The following KIAA1328 variants were observed in gnomAD, a reference collection of about 807,000 sequenced individuals.
KIAA1328 encodes the protein KIAA1328, also known as protein hinderin.
Under a neutral mutation model 68.1 loss-of-function variants are expected in KIAA1328, and 52 were observed. The observed-to-expected ratio is 0.76, with a 90% CI of 0.61 to 0.96. The LOEUF is 0.96. KIAA1328 is among the 40% of genes least tolerant of loss of function. The probability of loss-of-function intolerance (pLI) is 0.00; values close to 1 mark genes in which losing one functional copy is unlikely to be tolerated. For synonymous variants in KIAA1328, 232 were observed against 239.4 expected (o/e 0.97, Z 0.28); for missense variants, 641 against 677.6 (o/e 0.95, Z 0.60).
intron 6 of KIAA1328, among the ~76,000 whole-genome samples, chr18:37,052,397 G>C (rs2055734823): frequency 6.6e-6 from 1 of 152,024 alleles, no homozygotes; most frequent in Admixed American, 6.5e-5. Flanking sequence ...ACCAAATGGA[G>C]AAAAGTTAAA....
intron 7 of KIAA1328, among the ~76,000 whole-genome samples, chr18:37,080,797 AAAAG>A (rs1421433752): frequency 6.6e-6 from 1 of 151,676 alleles, no homozygotes; most frequent in Non-Finnish European, 1.5e-5. Flanking sequence ...AAAAAAGAAA[AAAAG>A]AACTAATCAT....
intron 5 of KIAA1328, among the ~76,000 whole-genome samples, chr18:36,910,518 A>G (rs1318673276): frequency 6.6e-6 from 1 of 152,136 alleles, no homozygotes; most frequent in African/African-American, 2.4e-5. Context: ...TGTTTGGGTT[A>G]CTGTGGCCTT....
At chr18:37,065,920 T>A (rs370289971) in intron 6 of KIAA1328, among the ~76,000 whole-genome samples, 2 of 152,290 alleles carry the variant, frequency 1.3e-5, no homozygotes, top group Admixed American at 6.5e-5. Context: ...CAACTCAACC[T>A]TCCCAGGCCA....
rs1340842820 is a variant in KIAA1328 at position 36,842,373 on chromosome 18, G to T, written c.238-1835G>T. On this transcript the variant is annotated intron_variant, in intron 3 of 9. Transcript: ENST00000280020. ...AAGGAACTCAGGGGTGACACTGTCA[G>T]TAACAGGAAGGAAGTAGCCTTCCTT... 2.0e-5 allele frequency among the ~76,000 whole-genome samples: 3 copies of T among 152,156 alleles called. No homozygotes were observed. In the East Asian group the frequency reaches 5.8e-4, roughly 29 times the overall value.
intron 9 of KIAA1328, among the ~76,000 whole-genome samples, chr18:37,195,319 T>C (rs2059983258): frequency 6.6e-6 from 1 of 152,234 alleles, no homozygotes. Context: ...TTTAGTGTTA[T>C]ATAATTACAT....
In KIAA1328 at chr18:36,973,705, T is replaced by C. The variant is rs555786738; in HGVS notation, c.576+14270T>C. Reference sequence around the variant, plus strand: ...AGTCTCAGAGTAGTTGAAAACCAAATCGACATTACAGACATATATTTACTA... The same window carrying C: ...AGTCTCAGAGTAGTTGAAAACCAAACCGACATTACAGACATATATTTACTA... On this transcript the variant is annotated intron_variant, in intron 6 of 9. Transcript: ENST00000280020. Among the ~76,000 whole-genome samples, 318 of 152,052 alleles carry C rather than the reference T, an allele frequency of 2.1e-3. 2 individuals carry two copies. Among genetic ancestry groups the C allele is most frequent in the Middle Eastern group, 0.017 (5 of 294 alleles).
intron 6 of KIAA1328, among the ~76,000 whole-genome samples, chr18:36,968,729 T>G (rs781248720): frequency 2.0e-5 from 3 of 152,172 alleles, no homozygotes; most frequent in Non-Finnish European, 4.4e-5. Context: ...GACAGATCCT[T>G]AAGTCAGAAA....
chr18:36,882,683 T>G (rs1009566785), intron 4 of KIAA1328, among the ~76,000 whole-genome samples: 1 of 152,174 alleles, frequency 6.6e-6, no homozygotes, highest in African/African-American at 2.4e-5. Flanking sequence ...AACAAATATT[T>G]CAAACATACC....
At chr18:37,088,728 T>A (rs1277944671) in intron 7 of KIAA1328, among the ~76,000 whole-genome samples, 2 of 152,066 alleles carry the variant, frequency 1.3e-5, no homozygotes, top group East Asian at 3.8e-4. Flanking sequence ...TCTTTGTATG[T>A]ATTACTATTT....
In KIAA1328 at chr18:36,985,616, A is replaced by G. The variant is rs923384168; in HGVS notation, c.576+26181A>G. 1.2e-4 allele frequency among the ~76,000 whole-genome samples: 19 copies of G among 152,318 alleles called. 1 individual carries two copies. The highest frequency in any genetic ancestry group is 4.1e-4 in the African/African-American group (17 of 41,578). ...CAACGGAGGAAGAATATTCTTTTCA[A>G]CGAGTCCATATCCTTATGGATATGT... On this transcript the variant is annotated intron_variant, in intron 6 of 9. Coordinates refer to ENST00000280020, the MANE Select transcript of KIAA1328 (RefSeq NM_020776.3).
chr18:37,164,560 C>T (rs2059347441), intron 8 of KIAA1328, among the ~76,000 whole-genome samples: 1 of 152,042 alleles, frequency 6.6e-6, no homozygotes. Context: ...GCCTGGCCAA[C>T]ATGGTGAAAT....
intron 6 of KIAA1328, among the ~76,000 whole-genome samples, chr18:37,028,674 T>G (rs914778434): frequency 6.6e-6 from 1 of 152,174 alleles, no homozygotes; most frequent in Admixed American, 6.5e-5. Flanking sequence ...CATAGATGGC[T>G]CTTTTTATTT....
intron 7 of KIAA1328, among the ~76,000 whole-genome samples, chr18:37,113,326 A>G (rs1015519101): frequency 4.6e-5 from 7 of 152,240 alleles, no homozygotes; most frequent in African/African-American, 1.4e-4. Context: ...GAAACTCTAC[A>G]AGCCAGAAGA....
At chr18:37,168,629 GT>G (rs1353815289) in intron 8 of KIAA1328, among the ~76,000 whole-genome samples, 1 of 152,088 alleles carries the variant, frequency 6.6e-6, no homozygotes, top group Non-Finnish European at 1.5e-5. Context: ...TATTTCTAAA[GT>G]TCAAAAGCAA....
intron 5 of KIAA1328, among the ~76,000 whole-genome samples, chr18:36,890,317 A>T (rs1255149026): frequency 6.6e-6 from 1 of 151,434 alleles, no homozygotes; most frequent in African/African-American, 2.4e-5. Context: ...GATATTATCT[A>T]TGTAAAAGTA....
At chr18:37,188,651 C>T (rs1428959312) in intron 9 of KIAA1328, among the ~76,000 whole-genome samples, 1 of 152,190 alleles carries the variant, frequency 6.6e-6, no homozygotes, top group African/African-American at 2.4e-5. Flanking sequence ...CCAGAACTGT[C>T]TCCTTCAGTA....
chr18:36,960,837 A>T (rs901518354), intron 6 of KIAA1328, among the ~76,000 whole-genome samples: 3 of 152,232 alleles, frequency 2.0e-5, no homozygotes, highest in Non-Finnish European at 4.4e-5. Context: ...CCAAAGGTAG[A>T]TAAAACCACA....
rs561812010 is a variant in KIAA1328, at chr18:37,193,817, T to A, written c.1523+20736T>A. 225 of 588,236 alleles carry A rather than the reference T, an allele frequency of 3.8e-4. 4 individuals carry two copies. In the East Asian group the frequency reaches 6.3e-3, roughly 16 times the overall value. The allele number at this position is 588,236 out of a possible 1,614,324, so 36.4% of individuals were successfully genotyped here. ...AGGGTATATTTTCTGAAAAGTGGGT[T>A]TCCTCACATCTCAGTCTCTCAACCA... On this transcript the variant is annotated intron_variant, in intron 9 of 9. Coordinates refer to ENST00000280020, the MANE Select transcript of KIAA1328 (RefSeq NM_020776.3).
chr18:37,155,234 C>T (rs1335371497), intron 7 of KIAA1328, among the ~76,000 whole-genome samples: 5 of 152,142 alleles, frequency 3.3e-5, no homozygotes, highest in African/African-American at 1.2e-4. Context: ...GAAATTGAAG[C>T]ATATTCTTTC....
Sources: gnomAD v4.1 joint callset for allele counts (sites outside exome capture counted in the v4.1 genomes callset) on GRCh38, gnomAD v4.1.1 for gene constraint, MANE v1.5 for transcripts, NCBI Gene and HGNC (gene_info 2026-07-23, HGNC 2026-07-21) for gene names.